OSBPL11: variants seen among roughly 807,000 people sequenced by gnomAD.
The protein encoded by OSBPL11 is oxysterol binding protein like 11.
OSBPL11 carries 33 observed loss-of-function variants against 84.4 expected under a neutral mutation model. The observed-to-expected ratio is 0.39, with a 90% confidence interval of 0.30 to 0.52. The LOEUF (loss-of-function observed/expected upper bound fraction) is 0.52, where lower values mean the gene tolerates loss of function less well. Among genes scored for constraint, OSBPL11 ranks in the 20% least tolerant of loss-of-function variants. The pLI is 0.72. For synonymous variants in OSBPL11, 276 were observed against 310.2 expected (o/e 0.89, Z 1.16); for missense variants, 736 against 901.1 (o/e 0.82, Z 2.35).
At chr3:125,570,592 G>T (rs1936229536) in intron 5 of OSBPL11, among the ~76,000 whole-genome samples, 1 of 152,132 alleles carries the variant, frequency 6.6e-6, no homozygotes, top group Non-Finnish European at 1.5e-5. Flanking sequence ...TAGACCCAGT[G>T]GGAGGTAACT....
At chr3:125,564,852 AC>A (rs1266787669) in intron 6 of OSBPL11, among the ~76,000 whole-genome samples, 3 of 151,988 alleles carry the variant, frequency 2.0e-5, no homozygotes, top group Non-Finnish European at 4.4e-5. Flanking sequence ...ACGGAGTTTC[AC>A]CATGTTGGCC....
At chr3:125,578,887 T>G in intron 4 of OSBPL11, 73 bp downstream of exon 4, 1 of 976,334 alleles carries the variant, frequency 1.0e-6, no homozygotes, top group Non-Finnish European at 1.5e-6. Context: ...AGTATCTCAA[T>G]TTTAAAAGGC....
chr3:125,555,488 T>C (rs138157044), intron 8 of OSBPL11, among the ~76,000 whole-genome samples: 1 of 152,244 alleles, frequency 6.6e-6, no homozygotes, highest in Non-Finnish European at 1.5e-5. Context: ...AAACATGAGT[T>C]GTCACACTGA....
intron 5 of OSBPL11, among the ~76,000 whole-genome samples, chr3:125,571,142 CTT>C (rs1161030030): frequency 2.0e-5 from 3 of 152,258 alleles, no homozygotes; most frequent in African/African-American, 2.4e-5. Flanking sequence ...AAAGGTGACT[CTT>C]GTTAGGTTTT....
intron 8 of OSBPL11, 26 bp downstream of exon 8, chr3:125,560,353 C>T: frequency 6.7e-7 from 1 of 1,501,284 alleles, no homozygotes; most frequent in Non-Finnish European, 9.0e-7. Context: ...TAACAATCTC[C>T]ATAGCCAGCT....
intron 6 of OSBPL11, among the ~76,000 whole-genome samples, chr3:125,564,079 A>G (rs568234700): frequency 6.6e-6 from 1 of 152,348 alleles, no homozygotes; most frequent in South Asian, 2.1e-4. Flanking sequence ...ATCAACCCTG[A>G]ATAGGACTGA....
chr3:125,554,967 T>C lies in OSBPL11; in HGVS notation c.1156-2288A>G, dbSNP rs556664889. Among the ~76,000 whole-genome samples the C allele has an allele frequency of 3.3e-4, 50 of 152,156 alleles. 1 individual carries two copies. The highest frequency in any genetic ancestry group is 4.9e-4 in the Non-Finnish European group (33 of 68,034). Reference sequence around the variant, plus strand: ...GGTTAATATTGAGTGTCAACTTGATTGGATTGAAGGATACAAAGTACTGTT... The same window carrying C: ...GGTTAATATTGAGTGTCAACTTGATCGGATTGAAGGATACAAAGTACTGTT... On this transcript the variant is annotated intron_variant, in intron 8 of 12. Coordinates refer to ENST00000296220, the MANE Select transcript of OSBPL11 (RefSeq NM_022776.5).
At chr3:125,575,330 T>C (rs1200366687) in intron 5 of OSBPL11, among the ~76,000 whole-genome samples, 2 of 152,002 alleles carry the variant, frequency 1.3e-5, no homozygotes, top group East Asian at 3.8e-4. Flanking sequence ...TTTGAAATGT[T>C]CTATATATAT....
intron 8 of OSBPL11, among the ~76,000 whole-genome samples, chr3:125,556,683 T>C (rs918933976): frequency 3.3e-5 from 5 of 152,248 alleles, no homozygotes; most frequent in Non-Finnish European, 7.3e-5. Context: ...GGAGCTGCTT[T>C]CTACAAATGG....
intron 1 of OSBPL11, among the ~76,000 whole-genome samples, chr3:125,588,141 G>C (rs1936543392): frequency 6.7e-6 from 1 of 150,082 alleles, no homozygotes; most frequent in African/African-American, 2.5e-5. Flanking sequence ...AGAATTGCTT[G>C]AAACTGGGAG....
rs577780733 is a variant in OSBPL11, at chr3:125,583,268, A to G, written c.165-290T>C. ...AAATATAAAATTACATAAACATAAA[A>G]CAAATATACTATAAGTATTATAAGT... On this transcript the variant is annotated intron_variant, in intron 1 of 12. Transcript: ENST00000296220. 5.3e-5 allele frequency among the ~76,000 whole-genome samples: 8 copies of G among 152,104 alleles called. No individual in the cohort carries two copies. In the South Asian group the frequency reaches 1.5e-3, roughly 28 times the overall value.
intron 8 of OSBPL11, among the ~76,000 whole-genome samples, chr3:125,553,943 A>G (rs1935953315): frequency 1.3e-5 from 2 of 152,222 alleles, no homozygotes; most frequent in Non-Finnish European, 2.9e-5. Flanking sequence ...CAAAATTTTG[A>G]GAGTTCCTAA....
chr3:125,555,092 C>T (rs1382916647), intron 8 of OSBPL11, among the ~76,000 whole-genome samples: 2 of 152,172 alleles, frequency 1.3e-5, no homozygotes, highest in Non-Finnish European at 2.9e-5. Flanking sequence ...ACCATCTAAT[C>T]AGCTGCTAGG....
intron 1 of OSBPL11, among the ~76,000 whole-genome samples, chr3:125,592,488 A>G (rs956057754): frequency 1.3e-5 from 2 of 152,228 alleles, no homozygotes. Flanking sequence ...AAAGTATAGC[A>G]AAGAATTTAT....
Position 125,530,222 on chromosome 3 carries a change from AAACTT to A in OSBPL11, c.*288_*292del, listed in dbSNP as rs1935536011. ...GCCCCTGTGCAAAAATAGGGGATTC[AAACTT>A]AACTTTAGGAGCAAGAACTGGATAA... is the stretch of plus-strand genomic sequence containing the variant. On this transcript the variant is annotated 3_prime_UTR_variant, in exon 13 of 13. Transcript: ENST00000296220. 2.9e-6 allele frequency: 1 copy of A among 343,596 alleles called. No individual in the cohort carries two copies. The highest frequency in any genetic ancestry group is 4.1e-5 in the Admixed American group (1 of 24,300). 21.3% of individuals were successfully genotyped at this position (343,596 alleles called of 1,614,324 possible).
chr3:125,538,178 A>C (rs1397588375), intron 11 of OSBPL11, among the ~76,000 whole-genome samples: 4 of 152,146 alleles, frequency 2.6e-5, no homozygotes, highest in African/African-American at 9.7e-5. Context: ...TTTATGATAA[A>C]GTTTTTATGA....
At chr3:125,556,340 T>C (rs183073921) in intron 8 of OSBPL11, among the ~76,000 whole-genome samples, 2 of 152,338 alleles carry the variant, frequency 1.3e-5, no homozygotes, top group Non-Finnish European at 2.9e-5. Context: ...GTGTTGACTA[T>C]CTGCTGGTGA....
chr3:125,536,776 T>C (rs947251407), intron 11 of OSBPL11, among the ~76,000 whole-genome samples: 1 of 152,204 alleles, frequency 6.6e-6, no homozygotes, highest in Non-Finnish European at 1.5e-5. Context: ...ATTTTACAAG[T>C]GCTCTTCCTC....
chr3:125,550,413 CAAAA>C (rs796125826), intron 9 of OSBPL11, among the ~76,000 whole-genome samples: 1 of 99,732 alleles, frequency 1.0e-5, no homozygotes, highest in Non-Finnish European at 2.2e-5. Flanking sequence ...ACACAACAAA[CAAAA>C]AAAAAAAAAG....
Sources: allele counts gnomAD v4.1 joint callset (sites outside exome capture counted in the v4.1 genomes callset), GRCh38; gene constraint gnomAD v4.1.1; transcripts MANE v1.5; gene names NCBI Gene and HGNC (gene_info 2026-07-23, HGNC 2026-07-21).